The following EML6 variants were observed in gnomAD, a reference collection of about 807,000 sequenced individuals.
EML6 encodes the protein echinoderm microtubule-associated protein-like 6.
In EML6, 154 loss-of-function variants were observed where a neutral mutation model predicts 240.1. The ratio of observed to expected loss-of-function variants is 0.64; its 90% confidence interval spans 0.56 to 0.73. The LOEUF is 0.73. EML6 is among the 30% of genes least tolerant of loss of function. EML6 has a pLI of 0.00. For missense variants in EML6, 2,964 were observed against 2,474.6 expected (o/e 1.20, Z -4.20); for synonymous variants, 1,148 against 899.0 (o/e 1.28, Z -4.95).
chr2:54,864,663 G>C (rs1670869659), intron 13 of EML6, among the ~76,000 whole-genome samples: 1 of 152,194 alleles, frequency 6.6e-6, no homozygotes, highest in Non-Finnish European at 1.5e-5. Flanking sequence ...CGCCAATAGA[G>C]ATTTAAGATA....
Position 54,869,267 on chromosome 2 carries a change from A to G in EML6, c.2138A>G (p.Tyr713Cys), listed in dbSNP as rs767227197. 1 of 1,551,768 alleles carries G rather than the reference A, an allele frequency of 6.4e-7. No individual in the cohort carries two copies. Among genetic ancestry groups the G allele is most frequent in the South Asian group, 1.2e-5 (1 of 84,052 alleles). Residue 713 changes from tyrosine (Y) to cysteine (C), a missense_variant, in exon 15 of 42, where the codon TAT becomes TGT. Tyr to Cys is a radical substitution (Grantham distance 194). Coordinates refer to ENST00000356458, the MANE Select transcript of EML6 (RefSeq NM_001039753.4). ...VYHIAAVAVV[Y>C]NRQQHSQRLY... is the part of the protein sequence containing the mutation. The stretch of plus-strand genomic sequence containing the variant: ...CACATTGCTGCAGTTGCTGTCGTGT[A>G]TAATCGGCAGCAGCACTCCCAGAGG...
intron 5 of EML6, among the ~76,000 whole-genome samples, chr2:54,823,708 C>G (rs1572955278): frequency 6.6e-6 from 1 of 152,216 alleles, no homozygotes; most frequent in African/African-American, 2.4e-5. Flanking sequence ...GAGCCATCAT[C>G]CATCCTGTAC....
chr2:54,954,215 G>A lies in EML6; in HGVS notation c.4486+59G>A, dbSNP rs4672000. 5,219 of 1,443,778 alleles carry A rather than the reference G, an allele frequency of 3.6e-3. 186 individuals are homozygous for A. In the Admixed American group the frequency reaches 0.08, roughly 22 times the overall value. 89.4% of individuals were successfully genotyped at this position (1,443,778 alleles called of 1,614,324 possible). A position where few individuals can be genotyped will look rare whatever the true frequency, so the allele number is the denominator to read the frequency against. On this transcript the variant is annotated intron_variant, in intron 32 of 41. Coordinates refer to ENST00000356458, the MANE Select transcript of EML6 (RefSeq NM_001039753.4). Reference sequence around the variant, plus strand: ...GTGTCTGCCTGTGGGTGTCGAGCCTGTGGGCTCGAACCCAGATCTGCCTCA... The same window carrying A: ...GTGTCTGCCTGTGGGTGTCGAGCCTATGGGCTCGAACCCAGATCTGCCTCA...
chr2:54,945,087 TCTCTCCCTC>T (rs1434822768), intron 28 of EML6, among the ~76,000 whole-genome samples: 1 of 82,814 alleles, frequency 1.2e-5, no homozygotes, highest in African/African-American at 4.8e-5. Flanking sequence ...CATTCCTCCC[TCTCTCCCTC>T]CTCTCCCACT....
chr2:54,724,374 G>A lies in EML6; in HGVS notation c.-513-175G>A, dbSNP rs1267422276. Among the ~76,000 whole-genome samples, 1 of 152,170 alleles carries A rather than the reference G, an allele frequency of 6.6e-6. No homozygotes were observed. The highest frequency in any genetic ancestry group is 1.5e-5 in the Non-Finnish European group (1 of 68,042). On this transcript the variant is annotated intron_variant, in intron 1 of 41. Transcript: ENST00000356458. The surrounding 1 kb of genome is among the most constrained non-coding windows in gnomAD (Gnocchi z 5.2). ...TCGCATCAGCAACTGCCAGGCAGCA[G>A]CATTTACGCATATTTCATATCATTA...
At chr2:54,834,871 G>A (rs1031721150) in intron 7 of EML6, among the ~76,000 whole-genome samples, 4 of 152,092 alleles carry the variant, frequency 2.6e-5, no homozygotes, top group African/African-American at 9.7e-5. Context: ...TTCCTGCTTC[G>A]ACCACCATCC....
chr2:54,866,708 G>A, intron 13 of EML6, 58 bp from the exon 14 acceptor site: 1 of 939,210 alleles, frequency 1.1e-6, no homozygotes, highest in Non-Finnish European at 1.6e-6. Context: ...TCAAGATGCT[G>A]ATATTTTTGG....
intron 16 of EML6, among the ~76,000 whole-genome samples, chr2:54,874,723 G>C (rs1017073912): frequency 6.6e-6 from 1 of 152,198 alleles, no homozygotes; most frequent in Non-Finnish European, 1.5e-5. Flanking sequence ...GTTGGGGTGA[G>C]GGTGTGGGGA....
At chr2:54,879,477 T>G in intron 16 of EML6, 70 bp from the exon 17 acceptor site, 1 of 983,400 alleles carries the variant, frequency 1.0e-6, no homozygotes, top group Non-Finnish European at 1.6e-6. Context: ...TACTTATTCC[T>G]CTTTACAGTG....
chr2:54,868,120 T>C (rs1671067549), intron 14 of EML6: 1 of 152,238 alleles, frequency 6.6e-6, no homozygotes, highest in African/African-American at 2.4e-5. Context: ...TGATTACATG[T>C]TGATATAGTA....
intron 19 of EML6, among the ~76,000 whole-genome samples, chr2:54,894,054 G>C (rs906371852): frequency 2.0e-5 from 3 of 151,766 alleles, no homozygotes; most frequent in Non-Finnish European, 4.4e-5. Context: ...TTTAATTTGG[G>C]GATTGAATTT....
intron 25 of EML6, among the ~76,000 whole-genome samples, chr2:54,911,432 AT>A (rs35753222): frequency 0.03 from 4,357 of 145,156 alleles, 145 homozygotes; most frequent in African/African-American, 0.089. Flanking sequence ...TAACAACAGA[AT>A]TTTTTTTTTT....
chr2:54,965,888 A>G (rs2864047), intron 38 of EML6, among the ~76,000 whole-genome samples: 4,582 of 152,334 alleles, frequency 0.03, 238 homozygotes, highest in African/African-American at 0.1. Context: ...GTCCCCAGGC[A>G]AGAAGGAGGT....
At chr2:54,934,789 G>A (rs1352266788) in intron 28 of EML6, among the ~76,000 whole-genome samples, 1 of 152,078 alleles carries the variant, frequency 6.6e-6, no homozygotes, top group Non-Finnish European at 1.5e-5. Flanking sequence ...TTTGGCTCAA[G>A]CGGTCTTACA....
At chr2:54,806,553 C>T (rs900502835) in intron 2 of EML6, among the ~76,000 whole-genome samples, 1 of 128,008 alleles carries the variant, frequency 7.8e-6, no homozygotes, top group South Asian at 2.5e-4. Context: ...GCGGAGGTTG[C>T]AGTGAGCTGA....
intron 7 of EML6, among the ~76,000 whole-genome samples, chr2:54,838,450 GTCACA>G (rs1669268241): frequency 6.6e-6 from 1 of 152,184 alleles, no homozygotes; most frequent in Non-Finnish European, 1.5e-5. Flanking sequence ...ACCTTACCAT[GTCACA>G]CAGCTGGCAA....
chr2:54,962,606 T>G lies in EML6; in HGVS notation c.5052T>G (p.Gly1684=). 6.5e-7 allele frequency: 1 copy of G among 1,549,234 alleles called. No individual in the cohort carries two copies. Among genetic ancestry groups the G allele is most frequent in the Non-Finnish European group, 8.7e-7 (1 of 1,145,804 alleles). The change falls in exon 36 of 42, where the codon GGT becomes GGG. Residue 1684 remains glycine (G), a synonymous_variant. Coordinates refer to ENST00000356458, the MANE Select transcript of EML6 (RefSeq NM_001039753.4). ...KNAASNILID[G]HMEGEIWGLA... is the part of the protein sequence containing the mutation. ...CTGCTTCTAACATCCTGATTGATGG[T>G]CACATGGAAGGGGAGATCTGGGGCC...
chr2:54,853,570 T>G (rs1670208270), intron 10 of EML6, 73 bp from the exon 11 acceptor site: 2 of 991,460 alleles, frequency 2.0e-6, no homozygotes, highest in Non-Finnish European at 2.8e-6. Context: ...TTCTTAAAGT[T>G]TCAGATCTTT....
chr2:54,771,220 A>C (rs1447707963), intron 2 of EML6, among the ~76,000 whole-genome samples: 1 of 152,180 alleles, frequency 6.6e-6, no homozygotes, highest in Non-Finnish European at 1.5e-5. Context: ...CCTTCTCACC[A>C]GATCATCCCT....
Sources: gnomAD v4.1 joint callset for allele counts (sites outside exome capture counted in the v4.1 genomes callset) on GRCh38, gnomAD v4.1.1 for gene constraint, Gnocchi (gnomAD v3.1) non-coding constraint, MANE v1.5 for transcripts, NCBI Gene and HGNC (gene_info 2026-07-23, HGNC 2026-07-21) for gene names.